NTF3: variants seen among roughly 807,000 people sequenced by gnomAD.
The protein encoded by NTF3 is neurotrophin 3.
Under a neutral mutation model 26.3 loss-of-function variants are expected in NTF3, and 8 were observed. That is an observed-to-expected ratio of 0.30 (90% CI 0.18 to 0.55). The LOEUF is 0.55. Among genes scored for constraint, NTF3 ranks in the 20% least tolerant of loss-of-function variants. NTF3 has a pLI of 0.93. For synonymous variants in NTF3, 154 were observed against 145.5 expected (o/e 1.06, Z -0.42); for missense variants, 276 against 352.9 (o/e 0.78, Z 1.75).
chr12:5,449,749 G>C (rs1294409794), intron 1 of NTF3, among the ~76,000 whole-genome samples: 4 of 152,184 alleles, frequency 2.6e-5, no homozygotes, highest in Non-Finnish European at 5.9e-5. Context: ...TAAGCTACTG[G>C]TTTGTGAAAC....
chr12:5,460,515 T>C (rs1163439274), intron 1 of NTF3, among the ~76,000 whole-genome samples: 1 of 152,258 alleles, frequency 6.6e-6, no homozygotes, highest in African/African-American at 2.4e-5. Context: ...ATGGAAACTT[T>C]GCTTTCATCC....
In NTF3 at chr12:5,494,201, A is replaced by G; in HGVS notation, c.26A>G (p.Gln9Arg). The change falls in exon 2 of 2, where the codon CAG becomes CGG. Residue 9 changes from glutamine (Q) to arginine (R), a missense_variant. Physicochemically the swap from Gln to Arg is conservative, Grantham distance 43 (BLOSUM62 1). Transcript: ENST00000423158. The surrounding 1 kb of genome is among the most constrained non-coding windows in gnomAD (Gnocchi z 8.3). ...CCTGTGTTTCCTTTTCAGATCTTAC[A>G]GGTGAACAAGGTGATGTCCATCTTG... Reference protein sequence around the residue: MVTFATILQVNKVMSILFY... With the variant: MVTFATILRVNKVMSILFY... 1.9e-6 allele frequency: 3 copies of G among 1,612,906 alleles called. No homozygotes were observed. Among genetic ancestry groups the G allele is most frequent in the Non-Finnish European group, 2.5e-6 (3 of 1,179,814 alleles).
chr12:5,454,829 CA>C (rs1940418044), intron 1 of NTF3, among the ~76,000 whole-genome samples: 1 of 152,210 alleles, frequency 6.6e-6, no homozygotes, highest in African/African-American at 2.4e-5. Flanking sequence ...AGGGCCTAGG[CA>C]GGCAGAGAGG....
chr12:5,467,428 C>T (rs7958038), intron 1 of NTF3, among the ~76,000 whole-genome samples: 104,379 of 151,832 alleles, frequency 0.69, 36,661 homozygotes, highest in Non-Finnish European at 0.75. Context: ...GTGGACATCT[C>T]AGTGCCTGGG....
rs1364588514 is a variant in NTF3 at position 5,439,210 on chromosome 12, T to C, written c.18+6868T>C. Among the ~76,000 whole-genome samples, 9 of 152,322 alleles carry C rather than the reference T, an allele frequency of 5.9e-5. No individual in the cohort carries two copies. The East Asian group carries it at 1.2e-3, about 20-fold the overall frequency. On this transcript the variant is annotated intron_variant, in intron 1 of 1. Transcript: ENST00000423158. ...TTAAGATGATGGATGATGATGATGA[T>C]GACAGTTAATATTAGAGTACTTACT... is the stretch of plus-strand genomic sequence containing the variant.
intron 1 of NTF3, among the ~76,000 whole-genome samples, chr12:5,464,247 T>C (rs1227059798): frequency 6.6e-6 from 1 of 152,198 alleles, no homozygotes; most frequent in African/African-American, 2.4e-5. Flanking sequence ...GCTGGGCTTA[T>C]GTGGGGTAGA....
At chr12:5,455,193 C>A (rs1011960448) in intron 1 of NTF3, among the ~76,000 whole-genome samples, 1 of 152,202 alleles carries the variant, frequency 6.6e-6, no homozygotes, top group Non-Finnish European at 1.5e-5. Flanking sequence ...TGCCTGCCTG[C>A]GCTCTTGAAA....
chr12:5,440,599 G>T (rs1940224639), intron 1 of NTF3, among the ~76,000 whole-genome samples: 1 of 152,330 alleles, frequency 6.6e-6, no homozygotes, highest in African/African-American at 2.4e-5. Context: ...TGTGTCCCAT[G>T]GTGGGGAAGA....
At chr12:5,493,252 A>G (rs532398182) in intron 1 of NTF3, among the ~76,000 whole-genome samples, 19 of 152,248 alleles carry the variant, frequency 1.2e-4, no homozygotes, top group Non-Finnish European at 1.9e-4. Context: ...AGCTTCTACT[A>G]TGGCAACAGA....
rs527598303 is a variant in NTF3 at position 5,440,860 on chromosome 12, C to T, written c.18+8518C>T. On this transcript the variant is annotated intron_variant, in intron 1 of 1. Coordinates refer to ENST00000423158, the MANE Select transcript of NTF3 (RefSeq NM_001102654.2). ...GCCCATGCCTGGGATTTTCAGGTAA[C>T]CCTGCTGGCCTAGAGGACTTACATA... Among the ~76,000 whole-genome samples the T allele has an allele frequency of 2.6e-4, 39 of 152,312 alleles. No homozygotes were observed. The South Asian group carries it at 3.7e-3, about 15-fold the overall frequency.
chr12:5,451,112 C>T (rs1282488842), intron 1 of NTF3, among the ~76,000 whole-genome samples: 1 of 152,140 alleles, frequency 6.6e-6, no homozygotes, highest in Non-Finnish European at 1.5e-5. Context: ...CACCTTCTTG[C>T]TGTAATTTGA....
At chr12:5,439,425 T>A (rs1049655948) in intron 1 of NTF3, among the ~76,000 whole-genome samples, 2 of 152,252 alleles carry the variant, frequency 1.3e-5, no homozygotes, top group African/African-American at 4.8e-5. Context: ...ATGTCTGTGA[T>A]GTCATCCAGA....
At chr12:5,480,593 A>G (rs1296362940) in intron 1 of NTF3, among the ~76,000 whole-genome samples, 1 of 152,064 alleles carries the variant, frequency 6.6e-6, no homozygotes, top group Non-Finnish European at 1.5e-5. Context: ...CGGGAGGGAG[A>G]CCAAAGGACC....
intron 1 of NTF3, among the ~76,000 whole-genome samples, chr12:5,477,128 G>A (rs1365128218): frequency 6.6e-6 from 1 of 152,156 alleles, no homozygotes; most frequent in African/African-American, 2.4e-5. Context: ...ACCATTGTAG[G>A]GAGTTTTTAT....
intron 1 of NTF3, among the ~76,000 whole-genome samples, chr12:5,472,699 T>A (rs1336950312): frequency 2.6e-5 from 4 of 152,156 alleles, no homozygotes; most frequent in African/African-American, 4.8e-5. Flanking sequence ...CTCTTCTCAT[T>A]TGCAACTGTC....
intron 1 of NTF3, among the ~76,000 whole-genome samples, chr12:5,475,915 AGAG>A (rs150574357): frequency 0.24 from 36,959 of 151,134 alleles, 5,295 homozygotes; most frequent in Non-Finnish European, 0.33. Context: ...AAAGAAAGAA[AGAG>A]AGAAAGAGAG....
At chr12:5,466,393 G>C (rs74417735) in intron 1 of NTF3, among the ~76,000 whole-genome samples, 1 of 152,120 alleles carries the variant, frequency 6.6e-6, no homozygotes, top group Non-Finnish European at 1.5e-5. Flanking sequence ...TTGTACAGTC[G>C]AGTTCTAAAA....
chr12:5,442,149 T>C (rs1940245742), intron 1 of NTF3, among the ~76,000 whole-genome samples: 1 of 152,192 alleles, frequency 6.6e-6, no homozygotes, highest in Non-Finnish European at 1.5e-5. Context: ...GTTACAATCA[T>C]AGTGCTCCAG....
chr12:5,457,732 G>C (rs1380157648), intron 1 of NTF3, among the ~76,000 whole-genome samples: 3 of 152,132 alleles, frequency 2.0e-5, no homozygotes, highest in Admixed American at 2.0e-4. Flanking sequence ...CTGAACAGGG[G>C]CTCCTTTTGT....
Sources: allele counts gnomAD v4.1 joint callset (sites outside exome capture counted in the v4.1 genomes callset), GRCh38; gene constraint gnomAD v4.1.1; non-coding constraint Gnocchi (gnomAD v3.1); transcripts MANE v1.5; gene names NCBI Gene and HGNC (gene_info 2026-07-23, HGNC 2026-07-21).